The following PPP1R36 variants were observed in gnomAD, a reference collection of about 807,000 sequenced individuals.
PPP1R36 encodes the protein chromosome 14 open reading frame 50.
PPP1R36 carries 47 observed loss-of-function variants against 53.4 expected under a neutral mutation model. The ratio of observed to expected loss-of-function variants is 0.88; its 90% CI spans 0.70 to 1.12. The LOEUF is 1.12. PPP1R36 is among the 50% of genes most tolerant of loss of function. The pLI is 0.00. For missense variants in PPP1R36, 456 were observed against 513.9 expected, an observed-to-expected ratio of 0.89 and a Z score of 1.09; for synonymous variants, 153 against 170.5, an observed-to-expected ratio of 0.90 and a Z score of 0.80.
rs772408456 is a variant in PPP1R36, at chr14:64,587,256, G to T, written c.774G>T (p.Glu258Asp). ...WIVFRRQHLT[E>D]IEEEVGRLFR... ...TCTTCCGACGTCAACACTTGACAGA[G>T]ATTGAAGAAGAAGTAGGGAGACTCT... Residue 258 changes from glutamate to aspartate, a missense_variant, in exon 10 of 12, where the codon GAG (glutamate) becomes GAT (aspartate). Glu to Asp is a conservative substitution (Grantham distance 45, BLOSUM62 2). Transcript: ENST00000298705. The T allele has an allele frequency of 1.2e-6, 2 of 1,613,560 alleles. No homozygotes were observed. The highest frequency in any genetic ancestry group is 1.7e-6 in the Non-Finnish European group (2 of 1,179,612).
In PPP1R36 at chr14:64,589,250, C is replaced by T; in HGVS notation, c.1181C>T (p.Ser394Phe). Reference sequence around the variant, plus strand: ...ACAAAATCATTTGGGAGATATCCTTCCTTGATGGAAAACAATAACATGAGG... The same window carrying T: ...ACAAAATCATTTGGGAGATATCCTTTCTTGATGGAAAACAATAACATGAGG... ...ENTKSFGRYP[S>F]LMENNNMRIQ... The change falls in exon 12 of 12, where the codon TCC (serine) becomes TTC (phenylalanine). Residue 394 changes from serine (S) to phenylalanine (F), a missense_variant. Coordinates refer to ENST00000298705, the MANE Select transcript of PPP1R36 (RefSeq NM_172365.3). The T allele has an allele frequency of 1.2e-6, 2 of 1,613,832 alleles. No homozygotes were observed. Among genetic ancestry groups the T allele is most frequent in the Non-Finnish European group, 1.7e-6 (2 of 1,179,736 alleles).
chr14:64,562,952 C>T (rs1303161020), intron 3 of PPP1R36, among the ~76,000 whole-genome samples: 7 of 152,034 alleles, frequency 4.6e-5, no homozygotes, highest in Non-Finnish European at 5.9e-5. Context: ...CTGCAACCTC[C>T]GCCTCCCGGG....
intron 3 of PPP1R36, among the ~76,000 whole-genome samples, chr14:64,554,494 ATAGT>A (rs1381964389): frequency 3.3e-5 from 5 of 151,982 alleles, no homozygotes; most frequent in Non-Finnish European, 7.4e-5. Flanking sequence ...TCTGTTACAG[ATAGT>A]TAGTTCAAAC....
At chr14:64,582,007 C>T (rs2080393417) in intron 8 of PPP1R36, among the ~76,000 whole-genome samples, 1 of 152,158 alleles carries the variant, frequency 6.6e-6, no homozygotes, top group Non-Finnish European at 1.5e-5. Context: ...AGTATTTATA[C>T]CTTCTTCCAC....
chr14:64,575,415 C>G (rs1737981665), intron 8 of PPP1R36, among the ~76,000 whole-genome samples: 1 of 152,162 alleles, frequency 6.6e-6, no homozygotes, highest in Admixed American at 6.5e-5. Context: ...ATTTCACTTA[C>G]CACTTTGAAT....
In PPP1R36 at chr14:64,565,692, G is replaced by A; in HGVS notation, c.434G>A (p.Arg145Lys). 1 of 1,605,472 alleles carries A rather than the reference G, an allele frequency of 6.2e-7. No homozygotes were observed. The highest frequency in any genetic ancestry group is 1.3e-5 in the African/African-American group (1 of 74,872). ...ATCTGTTCTTTTACAACATTTATGAGGTATCTATTGCTTATGAGTCATTTT... is the reference window on the plus strand; with the variant it reads ...ATCTGTTCTTTTACAACATTTATGAAGTATCTATTGCTTATGAGTCATTTT... ...QRICSFTTFM[R>K]NKNLDNFLMA... The change falls in exon 6 of 12, where the codon AGG (arginine) becomes AAG (lysine). Residue 145 changes from arginine (R) to lysine (K), a missense_variant and splice_region_variant. Arg to Lys is a conservative substitution (Grantham distance 26). Transcript: ENST00000298705.
intron 2 of PPP1R36, among the ~76,000 whole-genome samples, chr14:64,551,463 GA>G (rs1322590637): frequency 6.6e-6 from 1 of 152,100 alleles, no homozygotes. Context: ...TACTAAATTA[GA>G]AAAAACTGAT....
At chr14:64,553,271 C>A (rs957550169) in intron 3 of PPP1R36, among the ~76,000 whole-genome samples, 1 of 152,166 alleles carries the variant, frequency 6.6e-6, no homozygotes, top group Admixed American at 6.5e-5. Flanking sequence ...ATTTTTCAAA[C>A]TAATTTTCAG....
At chr14:64,587,099 C>T in intron 9 of PPP1R36, 95 bp from the exon 10 acceptor site, 1 of 1,013,084 alleles carries the variant, frequency 9.9e-7, no homozygotes, top group African/African-American at 1.6e-5. Context: ...ATTGGGTCAT[C>T]TGGGTTTGTG....
At chr14:64,580,455 T>G (rs751198613) in intron 8 of PPP1R36, among the ~76,000 whole-genome samples, 26 of 152,350 alleles carry the variant, frequency 1.7e-4, no homozygotes, top group Non-Finnish European at 3.5e-4. Context: ...GCATAGAGCC[T>G]CCACTGAAGT....
intron 8 of PPP1R36, among the ~76,000 whole-genome samples, chr14:64,583,440 A>G (rs1228278952): frequency 6.6e-6 from 1 of 152,202 alleles, no homozygotes; most frequent in East Asian, 1.9e-4. Flanking sequence ...GGGCTAAATC[A>G]GAATGGCAAG....
intron 3 of PPP1R36, among the ~76,000 whole-genome samples, chr14:64,553,232 G>A (rs1402359948): frequency 6.6e-6 from 1 of 152,146 alleles, no homozygotes; most frequent in African/African-American, 2.4e-5. Context: ...TGGGACTACA[G>A]GTGTGAGCCA....
chr14:64,579,680 C>G (rs1227642968), intron 8 of PPP1R36, among the ~76,000 whole-genome samples: 1 of 152,098 alleles, frequency 6.6e-6, no homozygotes, highest in East Asian at 1.9e-4. Flanking sequence ...GTTAAAAAAC[C>G]TGCTCTTGGG....
intron 7 of PPP1R36, among the ~76,000 whole-genome samples, chr14:64,570,730 A>G (rs978650866): frequency 1.3e-5 from 2 of 152,204 alleles, no homozygotes; most frequent in Non-Finnish European, 2.9e-5. Flanking sequence ...AACCCAGTGC[A>G]TGGCACTTGG....
chr14:64,562,959 CG>C (rs1298128770), intron 3 of PPP1R36, among the ~76,000 whole-genome samples: 1 of 152,132 alleles, frequency 6.6e-6, no homozygotes, highest in East Asian at 1.9e-4. Context: ...CTCCGCCTCC[CG>C]GGTTCAAGCA....
chr14:64,560,638 G>A (rs925706855), intron 3 of PPP1R36, among the ~76,000 whole-genome samples: 2 of 152,126 alleles, frequency 1.3e-5, no homozygotes, highest in Non-Finnish European at 2.9e-5. Flanking sequence ...AGTGAGCCAT[G>A]AGGAGTGAGG....
intron 3 of PPP1R36, among the ~76,000 whole-genome samples, chr14:64,554,486 T>C (rs1171579044): frequency 1.3e-5 from 2 of 152,114 alleles, no homozygotes; most frequent in Non-Finnish European, 2.9e-5. Flanking sequence ...CAAACCTATC[T>C]GTTACAGATA....
At chr14:64,567,525 G>T (rs1319303040) in intron 6 of PPP1R36, among the ~76,000 whole-genome samples, 1 of 152,164 alleles carries the variant, frequency 6.6e-6, no homozygotes, top group East Asian at 1.9e-4. Flanking sequence ...AGAATTGTAT[G>T]TATAGTATTA....
At chr14:64,552,604 A>T in intron 2 of PPP1R36, 1 of 489,552 alleles carries the variant, frequency 2.0e-6, no homozygotes, top group Admixed American at 3.2e-5. Context: ...TCAGGAAAGG[A>T]GTTGGCTAAG....
Sources: allele counts gnomAD v4.1 joint callset (sites outside exome capture counted in the v4.1 genomes callset), GRCh38; gene constraint gnomAD v4.1.1; transcripts MANE v1.5; gene names NCBI Gene and HGNC (gene_info 2026-07-23, HGNC 2026-07-21).